Variants in TSPAN13 observed in about 807,000 individuals in gnomAD.
TSPAN13 encodes the protein tetraspanin 13.
Under a neutral mutation model 26.9 loss-of-function variants are expected in TSPAN13, and 18 were observed. The observed-to-expected ratio is 0.67, with a 90% CI of 0.46 to 0.99. The LOEUF is 0.99. Ranked by LOEUF, TSPAN13 falls within the 50% of genes least tolerant of loss-of-function variation. The pLI, the probability that TSPAN13 is intolerant of heterozygous loss-of-function variation, is 0.00. For missense variants in TSPAN13, 201 were observed against 249.6 expected (o/e 0.81, Z 1.31); for synonymous variants, 116 against 98.4 (o/e 1.18, Z -1.06).
chr7:16,756,331 C>T (rs1427466340), intron 1 of TSPAN13, among the ~76,000 whole-genome samples: 1 of 152,204 alleles, frequency 6.6e-6, no homozygotes, highest in African/African-American at 2.4e-5. Context: ...GTCACTGCCT[C>T]TAAAATGTGC....
rs1309523707 is a variant in TSPAN13, at chr7:16,777,112, A to G, written c.302A>G (p.Gln101Arg). The change falls in exon 3 of 6, where the codon CAG becomes CGG. Residue 101 changes from glutamine (Q) to arginine (R), a missense_variant. Transcript: ENST00000262067. Reference sequence around the variant, plus strand: ...TCTTGCGCTTGTTTAGCCCTGAACCAGGAGCAACAGGTAAGCTAAGACTTT... The same window carrying G: ...TCTTGCGCTTGTTTAGCCCTGAACCGGGAGCAACAGGTAAGCTAAGACTTT... ...SVSCACLALN[Q>R]EQQGQLLEVG... 1.9e-6 allele frequency: 3 copies of G among 1,613,038 alleles called. No individual in the cohort carries two copies. The highest frequency in any genetic ancestry group is 2.5e-6 in the Non-Finnish European group (3 of 1,179,194).
At chr7:16,766,301 T>C (rs1423437569) in intron 1 of TSPAN13, among the ~76,000 whole-genome samples, 4 of 152,260 alleles carry the variant, frequency 2.6e-5, no homozygotes, top group African/African-American at 9.6e-5. Flanking sequence ...ACAGTTTCGC[T>C]GTTGCTGTAA....
chr7:16,778,953 T>G (rs1422383613), intron 4 of TSPAN13, 50 bp from the exon 5 acceptor site: 1 of 1,420,062 alleles, frequency 7.0e-7, no homozygotes, highest in Admixed American at 2.2e-5. Flanking sequence ...TTTATGGGCT[T>G]TTTATAAATG....
chr7:16,759,865 A>C (rs147039625), intron 1 of TSPAN13, among the ~76,000 whole-genome samples: 1 of 152,032 alleles, frequency 6.6e-6, no homozygotes, highest in African/African-American at 2.4e-5. Flanking sequence ...ATTTTAAAAA[A>C]TATTTTGTAG....
chr7:16,774,534 T>C (rs1252977557), intron 1 of TSPAN13, among the ~76,000 whole-genome samples: 1 of 152,176 alleles, frequency 6.6e-6, no homozygotes, highest in African/African-American at 2.4e-5. Context: ...ATAAGCTCAC[T>C]TGTGAAGGGG....
At chr7:16,779,152 A>G (rs1562521422) in intron 5 of TSPAN13, 36 bp downstream of exon 5, 4 of 1,516,822 alleles carry the variant, frequency 2.6e-6, no homozygotes, top group Non-Finnish European at 3.6e-6. Context: ...CTCCTTTGTC[A>G]CAGAGATTCC....
chr7:16,768,323 C>G (rs995229710), intron 1 of TSPAN13, among the ~76,000 whole-genome samples: 1 of 152,160 alleles, frequency 6.6e-6, no homozygotes, highest in African/African-American at 2.4e-5. Context: ...AAATTTGTAA[C>G]AGGTTGGATG....
chr7:16,781,068 A>G (rs1426621955), intron 5 of TSPAN13, among the ~76,000 whole-genome samples: 3 of 152,212 alleles, frequency 2.0e-5, no homozygotes, highest in African/African-American at 7.2e-5. Flanking sequence ...GAAAGATTTG[A>G]TTTGAACTAT....
chr7:16,783,139 C>A (rs947810556), intron 5 of TSPAN13, among the ~76,000 whole-genome samples: 16 of 152,166 alleles, frequency 1.1e-4, no homozygotes, highest in African/African-American at 3.9e-4. Context: ...CGCAAAGTCC[C>A]TGTTACTGTG....
intron 1 of TSPAN13, among the ~76,000 whole-genome samples, chr7:16,768,698 A>C (rs1323994440): frequency 1.3e-5 from 2 of 152,112 alleles, no homozygotes; most frequent in Non-Finnish European, 2.9e-5. Flanking sequence ...GGTAGGGATT[A>C]ATAATATCAG....
intron 1 of TSPAN13, among the ~76,000 whole-genome samples, chr7:16,774,471 T>G (rs1784717072): frequency 6.6e-6 from 1 of 152,190 alleles, no homozygotes; most frequent in Non-Finnish European, 1.5e-5. Context: ...GGCTTCTGTC[T>G]TTTACAGCTC....
intron 1 of TSPAN13, among the ~76,000 whole-genome samples, chr7:16,755,767 T>C (rs1250449105): frequency 2.6e-5 from 4 of 152,150 alleles, no homozygotes. Flanking sequence ...GGCAAGTTAT[T>C]TTAAAATGAA....
At chr7:16,773,171 G>GT (rs1039397594) in intron 1 of TSPAN13, among the ~76,000 whole-genome samples, 1 of 150,920 alleles carries the variant, frequency 6.6e-6, no homozygotes, top group African/African-American at 2.4e-5. Context: ...TCTTGGGGGG[G>GT]GGCGGTTAGC....
chr7:16,753,818 C>A lies in TSPAN13; in HGVS notation c.-150C>A. 7.0e-6 allele frequency: 5 copies of A among 716,262 alleles called. No individual in the cohort carries two copies. The highest frequency in any genetic ancestry group is 4.4e-6 in the Non-Finnish European group (2 of 451,234). 44.4% of individuals were successfully genotyped at this position (716,262 alleles called of 1,614,324 possible). A position where few individuals can be genotyped will look rare whatever the true frequency, so the allele number is the denominator to read the frequency against. ...CCGAGCCGCCGCCGCGCGCGCGCCGCGCACTGCAGCCCCAGGCCCCGGCCC... is the reference window on the plus strand; with the variant it reads ...CCGAGCCGCCGCCGCGCGCGCGCCGAGCACTGCAGCCCCAGGCCCCGGCCC... On this transcript the variant is annotated 5_prime_UTR_variant, in exon 1 of 6. Transcript: ENST00000262067.
At chr7:16,754,153 C>G (rs1784454582) in intron 1 of TSPAN13, 123 bp downstream of exon 1, 3 of 894,414 alleles carry the variant, frequency 3.4e-6, no homozygotes, top group Admixed American at 3.1e-5. Context: ...CGGCTTCCCA[C>G]GTCTGCGCGC....
intron 1 of TSPAN13, among the ~76,000 whole-genome samples, chr7:16,754,314 G>GT (rs1324044699): frequency 6.6e-6 from 1 of 152,156 alleles, no homozygotes; most frequent in Non-Finnish European, 1.5e-5. Context: ...CCACCGCCTT[G>GT]TTTTTCAAAC....
chr7:16,783,484 T>A lies in TSPAN13; in HGVS notation c.608T>A (p.Phe203Tyr). ...QKDPRANPSA[F>Y]L is the part of the protein sequence containing the mutation. ...GACCCCCGCGCGAATCCTAGTGCAT[T>A]CCTTTGATGAGAAAACAAGGAAGAT... The change falls in exon 6 of 6, where the codon TTC (phenylalanine) becomes TAC (tyrosine). Residue 203 changes from phenylalanine to tyrosine, a missense_variant. By Grantham distance (22) the Phe-to-Tyr change is conservative. Transcript: ENST00000262067. 6.2e-7 allele frequency: 1 copy of A among 1,613,450 alleles called. No individual in the cohort carries two copies. Among genetic ancestry groups the A allele is most frequent in the Non-Finnish European group, 8.5e-7 (1 of 1,179,456 alleles).
At chr7:16,759,702 T>TC (rs1027835870) in intron 1 of TSPAN13, among the ~76,000 whole-genome samples, 2 of 66,746 alleles carry the variant, frequency 3.0e-5, no homozygotes, top group South Asian at 3.0e-4. Flanking sequence ...TTTCTTTCTT[T>TC]TTTTTTTTTT....
chr7:16,753,868 C>G lies in TSPAN13; in HGVS notation c.-100C>G. On this transcript the variant is annotated 5_prime_UTR_variant, in exon 1 of 6. Coordinates refer to ENST00000262067, the MANE Select transcript of TSPAN13 (RefSeq NM_014399.4). ...CCCCACCCACGTCTGCGTTGCTGCC[C>G]CGCCTGGGCCAGGCCCCAAAGGCAA... 7.6e-7 allele frequency: 1 copy of G among 1,316,584 alleles called. No homozygotes were observed. Among genetic ancestry groups the G allele is most frequent in the South Asian group, 1.3e-5 (1 of 79,538 alleles). The allele number at this position is 1,316,584 out of a possible 1,614,324, so 81.6% of individuals were successfully genotyped here. A position where few individuals can be genotyped will look rare whatever the true frequency, so the allele number is the denominator to read the frequency against.
Sources: gnomAD v4.1 joint callset for allele counts (sites outside exome capture counted in the v4.1 genomes callset) on GRCh38, gnomAD v4.1.1 for gene constraint, MANE v1.5 for transcripts, NCBI Gene and HGNC (gene_info 2026-07-23, HGNC 2026-07-21) for gene names.